ANKS1B: variants seen among roughly 807,000 people sequenced by gnomAD.
The protein encoded by ANKS1B is ankyrin repeat and sterile alpha motif domain containing 1B, also known as ankyrin repeat and sterile alpha motif domain-containing protein 1B.
In ANKS1B, 36 loss-of-function variants were observed where a neutral mutation model predicts 148.3. The observed-to-expected ratio is 0.24, with a 90% CI of 0.19 to 0.32. The LOEUF is 0.32. Among genes scored for constraint, ANKS1B ranks in the 10% least tolerant of loss-of-function variants. ANKS1B has a pLI of 1.00. For synonymous variants in ANKS1B, 542 were observed against 560.8 expected, an observed-to-expected ratio of 0.97 and a Z score of 0.47; for missense variants, 1,157 against 1,542.6, an observed-to-expected ratio of 0.75 and a Z score of 4.19.
At chr12:99,675,099 A>G (rs2153474411) in intron 8 of ANKS1B, among the ~76,000 whole-genome samples, 1 of 152,094 alleles carries the variant, frequency 6.6e-6, no homozygotes, top group South Asian at 2.1e-4. Context: ...TCAAACCATA[A>G]TGTTTGGTGA....
chr12:99,555,724 A>G (rs2097269103), intron 9 of ANKS1B, among the ~76,000 whole-genome samples: 1 of 152,090 alleles, frequency 6.6e-6, no homozygotes, highest in Non-Finnish European at 1.5e-5. Flanking sequence ...AGTTCTGTTT[A>G]TATGGCAAAT....
At chr12:99,745,176 A>C (rs1319402145) in intron 8 of ANKS1B, among the ~76,000 whole-genome samples, 1 of 119,726 alleles carries the variant, frequency 8.4e-6, no homozygotes, top group Non-Finnish European at 1.8e-5. Context: ...TAATTCAATA[A>C]ACAAAGAGAA....
chr12:99,741,244 C>CACACACA (rs1344869197), intron 8 of ANKS1B, among the ~76,000 whole-genome samples: 5 of 146,682 alleles, frequency 3.4e-5, no homozygotes, highest in African/African-American at 1.0e-4. Flanking sequence ...CACACACACA[C>CACACACA]ATCAGGAAAC....
chr12:99,552,841 T>C (rs1253802093), intron 9 of ANKS1B, among the ~76,000 whole-genome samples: 1 of 152,186 alleles, frequency 6.6e-6, no homozygotes, highest in Non-Finnish European at 1.5e-5. Context: ...TTATCTATAA[T>C]AACTAATACA....
chr12:99,439,597 A>G (rs1455656297), intron 11 of ANKS1B, among the ~76,000 whole-genome samples: 2 of 151,778 alleles, frequency 1.3e-5, no homozygotes, highest in Non-Finnish European at 3.0e-5. Context: ...AATTAAAACC[A>G]TAATGAGAAA....
intron 9 of ANKS1B, among the ~76,000 whole-genome samples, chr12:99,522,895 T>C (rs948636071): frequency 1.5e-4 from 23 of 152,194 alleles, no homozygotes; most frequent in Non-Finnish European, 4.4e-5. Context: ...GAATTTCCTT[T>C]AGTAAGGCTG....
intron 1 of ANKS1B, among the ~76,000 whole-genome samples, chr12:99,836,969 G>A (rs1211993565): frequency 6.6e-6 from 1 of 152,110 alleles, no homozygotes; most frequent in Non-Finnish European, 1.5e-5. Context: ...TCTGGAACGT[G>A]TGCATATTTT....
In ANKS1B at chr12:98,941,662, G is replaced by A. The variant is rs150055675; in HGVS notation, c.2779-109526C>T. Among the ~76,000 whole-genome samples, 624 of 152,182 alleles carry A rather than the reference G, an allele frequency of 4.1e-3. 3 individuals carry two copies. The highest frequency in any genetic ancestry group is 0.014 in the African/African-American group (588 of 41,508). On this transcript the variant is annotated intron_variant, in intron 17 of 26. Transcript: ENST00000683438. ...GTCCTTAAAACAAAAAAAATCTCAG[G>A]GCAAATCTGCCCCTCGTGGTAGCGG...
At chr12:99,407,372 C>T (rs1484116143) in intron 11 of ANKS1B, among the ~76,000 whole-genome samples, 1 of 145,420 alleles carries the variant, frequency 6.9e-6, no homozygotes. Flanking sequence ...AAACAGACCT[C>T]GAATAGTAAA....
intron 1 of ANKS1B, among the ~76,000 whole-genome samples, chr12:99,929,224 C>A (rs1178186410): frequency 6.6e-6 from 1 of 152,188 alleles, no homozygotes; most frequent in East Asian, 1.9e-4. Flanking sequence ...ACTCTTCACA[C>A]AATAACCACT....
chr12:98,913,969 C>A (rs1267127857), intron 17 of ANKS1B, among the ~76,000 whole-genome samples: 2 of 152,126 alleles, frequency 1.3e-5, no homozygotes, highest in Non-Finnish European at 2.9e-5. Context: ...TCCGGGCCAC[C>A]AGTTGCTCAG....
chr12:99,458,724 C>T (rs1567139478), intron 10 of ANKS1B, among the ~76,000 whole-genome samples: 2 of 151,476 alleles, frequency 1.3e-5, no homozygotes, highest in Non-Finnish European at 2.9e-5. Context: ...GAAATAGAAA[C>T]TCTGAACAGA....
chr12:98,913,034 A>G (rs1270928946), intron 17 of ANKS1B, among the ~76,000 whole-genome samples: 2 of 152,198 alleles, frequency 1.3e-5, no homozygotes, highest in Middle Eastern at 3.2e-3. Flanking sequence ...ATTTTACATC[A>G]TATCCTATCA....
intron 8 of ANKS1B, among the ~76,000 whole-genome samples, chr12:99,753,369 G>A (rs1339279244): frequency 6.6e-6 from 1 of 152,134 alleles, no homozygotes; most frequent in Admixed American, 6.6e-5. Flanking sequence ...TGGCAGGAAG[G>A]AGAACAGAAA....
Position 98,745,695 on chromosome 12 carries a change from C to A in ANKS1B, c.*44G>T. The A allele has an allele frequency of 6.2e-7, 1 of 1,606,668 alleles. No homozygotes were observed. The highest frequency in any genetic ancestry group is 8.5e-7 in the Non-Finnish European group (1 of 1,176,106). On this transcript the variant is annotated 3_prime_UTR_variant, in exon 27 of 27. Transcript: ENST00000683438. ...CGCGAAGGAAAGCCTGCTCCGGGAC[C>A]GCTTGGCGAGCAAGGCACCGCGAGG... is the stretch of plus-strand genomic sequence containing the variant.
At chr12:99,167,567 G>T (rs973139516) in intron 14 of ANKS1B, among the ~76,000 whole-genome samples, 1 of 152,094 alleles carries the variant, frequency 6.6e-6, no homozygotes, top group East Asian at 1.9e-4. Context: ...GCCAAATGAT[G>T]CGAATTAAGA....
intron 3 of ANKS1B, among the ~76,000 whole-genome samples, chr12:99,807,810 G>C (rs544672499): frequency 8.5e-5 from 13 of 152,188 alleles, no homozygotes; most frequent in Admixed American, 4.6e-4. Flanking sequence ...AAGACCCAAA[G>C]TGGGTGTTCT....
intron 9 of ANKS1B, among the ~76,000 whole-genome samples, chr12:99,573,423 T>C (rs557195000): frequency 2.6e-5 from 4 of 152,264 alleles, no homozygotes; most frequent in Non-Finnish European, 5.9e-5. Context: ...ATCAGCATTA[T>C]ATTAGCTTCA....
At chr12:99,672,676 T>C (rs1289517236) in intron 8 of ANKS1B, among the ~76,000 whole-genome samples, 1 of 152,154 alleles carries the variant, frequency 6.6e-6, no homozygotes, top group Admixed American at 6.6e-5. Context: ...CCTTCTCCAG[T>C]AAGGTGTGAA....
Sources: allele counts gnomAD v4.1 joint callset (sites outside exome capture counted in the v4.1 genomes callset), GRCh38; gene constraint gnomAD v4.1.1; transcripts MANE v1.5; gene names NCBI Gene and HGNC (gene_info 2026-07-23, HGNC 2026-07-21).